The following TRAF3 variants were observed in gnomAD, a reference collection of about 807,000 sequenced individuals.
TRAF3 encodes the protein TNF receptor-associated factor 3.
A neutral mutation model predicts 62.3 loss-of-function variants in TRAF3; 13 were observed. That is an observed-to-expected ratio of 0.21 (90% CI 0.14 to 0.33). TRAF3 has a LOEUF of 0.33. Ranked by LOEUF, TRAF3 falls within the 10% of genes least tolerant of loss-of-function variation. The pLI, the probability that TRAF3 is intolerant of heterozygous loss-of-function variation, is 1.00. For missense variants in TRAF3, 440 were observed against 741.8 expected (o/e 0.59, Z 4.73); for synonymous variants, 269 against 283.4 (o/e 0.95, Z 0.51).
intron 7 of TRAF3, among the ~76,000 whole-genome samples, chr14:102,887,704 C>T (rs939859165): frequency 1.3e-5 from 2 of 152,002 alleles, no homozygotes; most frequent in African/African-American, 4.8e-5. Flanking sequence ...ACACCATTCT[C>T]CTGCCTCAGC....
At position 102,908,720 on chromosome 14, in the gene TRAF3, C is replaced by G. The variant is rs1035921494; in HGVS notation, c.*2936C>G. 1 of 152,292 alleles carries G rather than the reference C, an allele frequency of 6.6e-6. No homozygotes were observed. The highest frequency in any genetic ancestry group is 1.5e-5 in the Non-Finnish European group (1 of 68,086). The allele number at this position is 152,292 out of a possible 1,614,324, so 9.4% of individuals were successfully genotyped here. On this transcript the variant is annotated 3_prime_UTR_variant, in exon 12 of 12. Transcript: ENST00000392745. The stretch of plus-strand genomic sequence containing the variant: ...GAGCTGCTCAGTACTTTACAGAAAC[C>G]AACTGAGTCGTTTGTGCATGAATTA...
chr14:102,857,348 G>A (rs532944185), intron 2 of TRAF3, among the ~76,000 whole-genome samples: 21 of 152,100 alleles, frequency 1.4e-4, no homozygotes, highest in African/African-American at 4.1e-4. Context: ...TTCTCTCTCC[G>A]GTCTCCCATT....
chr14:102,801,275 A>G (rs555873862), intron 1 of TRAF3, among the ~76,000 whole-genome samples: 78 of 152,190 alleles, frequency 5.1e-4, no homozygotes, highest in Middle Eastern at 6.8e-3. Flanking sequence ...CACCCGGTGA[A>G]TTAATGTGTT....
chr14:102,872,543 A>T (rs965003826), intron 4 of TRAF3, among the ~76,000 whole-genome samples: 1 of 152,114 alleles, frequency 6.6e-6, no homozygotes, highest in Non-Finnish European at 1.5e-5. Context: ...CATTCAGAGG[A>T]TGGGGCTGCC....
At chr14:102,809,615 C>T (rs1278715204) in intron 1 of TRAF3, among the ~76,000 whole-genome samples, 2 of 147,888 alleles carry the variant, frequency 1.4e-5, no homozygotes, top group African/African-American at 2.5e-5. Flanking sequence ...TCACTGCAAG[C>T]GCCGCCTCCC....
chr14:102,810,909 C>T (rs1899085471), intron 1 of TRAF3, among the ~76,000 whole-genome samples: 1 of 152,190 alleles, frequency 6.6e-6, no homozygotes, highest in Non-Finnish European at 1.5e-5. Flanking sequence ...AGAAATAAGA[C>T]ATCTCTGAGG....
At chr14:102,863,654 C>T (rs1336005839) in intron 2 of TRAF3, among the ~76,000 whole-genome samples, 1 of 152,200 alleles carries the variant, frequency 6.6e-6, no homozygotes, top group Non-Finnish European at 1.5e-5. Context: ...CAGAGCTTTT[C>T]AAACCTTTAT....
intron 1 of TRAF3, among the ~76,000 whole-genome samples, chr14:102,791,755 G>C (rs1444068846): frequency 6.6e-6 from 1 of 151,942 alleles, no homozygotes; most frequent in Non-Finnish European, 1.5e-5. Context: ...TATTGTTCCT[G>C]ATCTTAGGGG....
In TRAF3 at chr14:102,906,069, G is replaced by A. The variant is rs1890572115; in HGVS notation, c.*285G>A. The A allele has an allele frequency of 2.9e-6, 1 of 350,772 alleles. No homozygotes were observed. The allele number at this position is 350,772 out of a possible 1,614,324, so 21.7% of individuals were successfully genotyped here. ...ATTTTTAAAGATCTAGTTAATTAAG[G>A]TGGAAAACATATATGCTAAACAAAA... is the stretch of plus-strand genomic sequence containing the variant. On this transcript the variant is annotated 3_prime_UTR_variant, in exon 12 of 12. Coordinates refer to ENST00000392745, the MANE Select transcript of TRAF3 (RefSeq NM_145725.3).
chr14:102,858,245 A>G (rs1406995273), intron 2 of TRAF3, among the ~76,000 whole-genome samples: 1 of 151,358 alleles, frequency 6.6e-6, no homozygotes, highest in African/African-American at 2.4e-5. Context: ...TCTGCCTCCT[A>G]GGTTTAAGCG....
At chr14:102,793,879 G>A (rs1488150649) in intron 1 of TRAF3, among the ~76,000 whole-genome samples, 1 of 152,188 alleles carries the variant, frequency 6.6e-6, no homozygotes, top group Admixed American at 6.5e-5. Context: ...ATGGTTCTGT[G>A]GGCTGATCAA....
chr14:102,790,353 C>T (rs1897728322), intron 1 of TRAF3, among the ~76,000 whole-genome samples: 1 of 152,172 alleles, frequency 6.6e-6, no homozygotes, highest in African/African-American at 2.4e-5. Context: ...TCTGGACTCT[C>T]AGTTCTATTC....
At position 102,860,344 on chromosome 14, in the gene TRAF3, C is replaced by T. The variant is rs140777061; in HGVS notation, c.-17-9841C>T. The stretch of plus-strand genomic sequence containing the variant: ...GCCATAGATTTTGAGAGGGATCTAT[C>T]CACTTTTAATAATTCTCGGGGTTCC... On this transcript the variant is annotated intron_variant, in intron 2 of 11. Transcript: ENST00000392745. Among the ~76,000 whole-genome samples the T allele has an allele frequency of 5.3e-4, 81 of 152,228 alleles. 1 individual carries two copies. The East Asian group carries it at 0.013, about 24-fold the overall frequency.
chr14:102,806,764 G>A (rs1898798227), intron 1 of TRAF3, among the ~76,000 whole-genome samples: 1 of 152,136 alleles, frequency 6.6e-6, no homozygotes, highest in African/African-American at 2.4e-5. Flanking sequence ...GTCAAGAGTG[G>A]AGTGCTTCAT....
intron 1 of TRAF3, among the ~76,000 whole-genome samples, chr14:102,824,908 T>C (rs1220837954): frequency 2.6e-5 from 4 of 152,248 alleles, no homozygotes; most frequent in South Asian, 2.1e-4. Context: ...AGACAGCTAA[T>C]CCTTTTACAC....
chr14:102,855,571 A>C (rs1595365706), intron 2 of TRAF3, among the ~76,000 whole-genome samples: 1 of 152,046 alleles, frequency 6.6e-6, no homozygotes, highest in African/African-American at 2.4e-5. Context: ...CGAGGCAGGC[A>C]GATCACCTGA....
At chr14:102,870,142 G>A (rs1888247319) in intron 2 of TRAF3, 43 bp from the exon 3 acceptor site, 5 of 1,613,334 alleles carry the variant, frequency 3.1e-6, no homozygotes, top group Admixed American at 1.7e-5. Flanking sequence ...TTGTTTCCTT[G>A]CATGAGAGGA....
In TRAF3 at chr14:102,812,921, A is replaced by C. The variant is rs182628571; in HGVS notation, c.-156-17413A>C. 3.0e-3 allele frequency among the ~76,000 whole-genome samples: 460 copies of C among 152,154 alleles called. 2 individuals are homozygous for C. The highest frequency in any genetic ancestry group is 7.3e-3 in the African/African-American group (305 of 41,554). ...GCGAAAGAGCGAGACTCCGTCTCAAAAAAAAAAAAGTTGCCTTTTCTCTGC... is the reference window on the plus strand; with the variant it reads ...GCGAAAGAGCGAGACTCCGTCTCAACAAAAAAAAAGTTGCCTTTTCTCTGC... On this transcript the variant is annotated intron_variant, in intron 1 of 11. Transcript: ENST00000392745.
intron 2 of TRAF3, among the ~76,000 whole-genome samples, chr14:102,860,053 G>C (rs1044196873): frequency 2.0e-5 from 3 of 152,150 alleles, no homozygotes; most frequent in Middle Eastern, 3.2e-3. Flanking sequence ...AGCCCTTTCT[G>C]AGATCAGCCC....
Sources: allele counts gnomAD v4.1 joint callset (sites outside exome capture counted in the v4.1 genomes callset), GRCh38; gene constraint gnomAD v4.1.1; transcripts MANE v1.5; gene names NCBI Gene and HGNC (gene_info 2026-07-23, HGNC 2026-07-21).